PTPN12: variants seen among roughly 807,000 people sequenced by gnomAD.
PTPN12 encodes tyrosine-protein phosphatase non-receptor type 12.
PTPN12 carries 29 observed loss-of-function variants against 97.6 expected under a neutral mutation model. The observed-to-expected ratio is 0.30, with a 90% CI of 0.22 to 0.41. The LOEUF (loss-of-function observed/expected upper bound fraction) is 0.41. Among genes scored for constraint, PTPN12 ranks in the 10% least tolerant of loss-of-function variants. The pLI is 1.00. For synonymous variants in PTPN12, 327 were observed against 300.4 expected (o/e 1.09, Z -0.91); for missense variants, 819 against 926.0 (o/e 0.88, Z 1.50).
chr7:77,625,472 G>GCTCGCGCGCGCTCTCTCT, intron 12 of PTPN12, among the ~76,000 whole-genome samples: 649 of 33,508 alleles, frequency 0.019, 128 homozygotes, highest in Middle Eastern at 0.083. Flanking sequence ...CAGGCTGCTC[G>GCTCGCGCGCGCTCTCTCT]CTCTCTCTCT....
intron 9 of PTPN12, among the ~76,000 whole-genome samples, chr7:77,608,981 A>AGGCTGAGGTGGGCGGATCACCT (rs1158680490): frequency 6.6e-6 from 1 of 152,192 alleles, no homozygotes; most frequent in Non-Finnish European, 1.5e-5. Flanking sequence ...GCACTTTTGA[A>AGGCTGAGGTGGGCGGATCACCT]GGCTGAGGTG....
At chr7:77,615,209 G>T (rs993427918) in intron 11 of PTPN12, among the ~76,000 whole-genome samples, 1 of 151,934 alleles carries the variant, frequency 6.6e-6, no homozygotes, top group African/African-American at 2.4e-5. Flanking sequence ...TTGTATTATC[G>T]TCCTTTTATT....
intron 1 of PTPN12, among the ~76,000 whole-genome samples, chr7:77,552,326 TAAACTA>T (rs1807516990): frequency 6.6e-6 from 1 of 152,044 alleles, no homozygotes; most frequent in Non-Finnish European, 1.5e-5. Flanking sequence ...AAATGCAACT[TAAACTA>T]GAAGTACAGG....
At chr7:77,590,559 CTTT>C (rs539493706) in intron 5 of PTPN12, among the ~76,000 whole-genome samples, 3 of 141,728 alleles carry the variant, frequency 2.1e-5, no homozygotes, top group Non-Finnish European at 1.5e-5. Context: ...TTTTTTAAAT[CTTT>C]TTTTTTTTTT....
chr7:77,567,409 T>A (rs1416812663), intron 1 of PTPN12, among the ~76,000 whole-genome samples: 1 of 152,152 alleles, frequency 6.6e-6, no homozygotes, highest in Non-Finnish European at 1.5e-5. Context: ...TCAGAAACTC[T>A]GTAGGAGCTA....
At chr7:77,593,314 C>G (rs938382939) in intron 6 of PTPN12, among the ~76,000 whole-genome samples, 2 of 151,878 alleles carry the variant, frequency 1.3e-5, no homozygotes, top group Non-Finnish European at 2.9e-5. Flanking sequence ...TTAGGGTTCT[C>G]CAGAGAAGCA....
chr7:77,564,744 G>GTTTTTT (rs1329627463), intron 1 of PTPN12, among the ~76,000 whole-genome samples: 11 of 34,360 alleles, frequency 3.2e-4, no homozygotes, highest in East Asian at 1.3e-3. Flanking sequence ...TTTTGTTGTC[G>GTTTTTT]TGTTTTTTTT....
chr7:77,607,468 T>C (rs945850184), intron 9 of PTPN12, 167 bp downstream of exon 9: 1 of 519,072 alleles, frequency 1.9e-6, no homozygotes, highest in Non-Finnish European at 3.3e-6. Flanking sequence ...CACAGTGGCT[T>C]ACGCCTGTAA....
At chr7:77,638,987 A>T in intron 17 of PTPN12, 2 of 729,250 alleles carry the variant, frequency 2.7e-6, no homozygotes, top group Non-Finnish European at 4.1e-6. Flanking sequence ...TTACATTGTG[A>T]TAAAATTGGT....
intron 11 of PTPN12, among the ~76,000 whole-genome samples, chr7:77,617,389 T>C (rs1018286605): frequency 1.3e-5 from 2 of 152,198 alleles, no homozygotes; most frequent in Non-Finnish European, 2.9e-5. Flanking sequence ...CAGGAAGTGA[T>C]ATGTATAAAA....
Position 77,627,034 on chromosome 7 carries a change from G to A in PTPN12, c.1355G>A (p.Gly452Glu), listed in dbSNP as rs1789214420. The change falls in exon 13 of 18, where the codon GGG becomes GAG. Residue 452 changes from glycine (G) to glutamate (E), a missense_variant. Physicochemically the swap from Gly to Glu is moderately conservative, Grantham distance 98. Around this residue, in one of 5 missense-constraint regions of PTPN12, gnomAD observed 607 missense variants for 577.3 expected, o/e 1.05. Coordinates refer to ENST00000248594, the MANE Select transcript of PTPN12 (RefSeq NM_002835.4). ...PLQEGPKSFD[G>E]NTLLNRGHAI... is the part of the protein sequence containing the mutation. ...CAAGAGGGACCAAAAAGTTTTGATG[G>A]GAACACACTTTTGAATAGGGGACAT... The A allele has an allele frequency of 6.2e-7, 1 of 1,610,750 alleles. No individual in the cohort carries two copies. Among genetic ancestry groups the A allele is most frequent in the Non-Finnish European group, 8.5e-7 (1 of 1,178,790 alleles).
At chr7:77,583,840 T>G (rs1787600363) in intron 4 of PTPN12, 190 bp downstream of exon 4, 1 of 441,502 alleles carries the variant, frequency 2.3e-6, no homozygotes, top group Admixed American at 4.1e-5. Flanking sequence ...GGCTAAATAT[T>G]TTAAGAAGGT....
At chr7:77,621,314 C>A (rs942300915) in intron 12 of PTPN12, among the ~76,000 whole-genome samples, 2 of 152,010 alleles carry the variant, frequency 1.3e-5, no homozygotes, top group African/African-American at 2.4e-5. Context: ...TCCTGAAGAA[C>A]CTGCCTGAAG....
At chr7:77,592,341 C>G in intron 6 of PTPN12, 85 bp downstream of exon 6, 1 of 1,179,222 alleles carries the variant, frequency 8.5e-7, no homozygotes, top group South Asian at 1.4e-5. Context: ...TGGTATGAAC[C>G]CAGGCTTATA....
intron 1 of PTPN12, among the ~76,000 whole-genome samples, chr7:77,551,373 C>T (rs117785414): frequency 0.018 from 2,789 of 152,290 alleles, 34 homozygotes; most frequent in Middle Eastern, 0.071. Flanking sequence ...GAAAGCTCTG[C>T]TCTTGTCTGT....
intron 8 of PTPN12, among the ~76,000 whole-genome samples, chr7:77,605,110 T>C (rs1788317846): frequency 6.6e-6 from 1 of 152,148 alleles, no homozygotes; most frequent in Admixed American, 6.5e-5. Flanking sequence ...AATTCACAAA[T>C]GTATCAACTA....
At chr7:77,619,695 G>C (rs541374992) in intron 12 of PTPN12, among the ~76,000 whole-genome samples, 1 of 152,088 alleles carries the variant, frequency 6.6e-6, no homozygotes, top group Non-Finnish European at 1.5e-5. Context: ...GAGAGTACTC[G>C]TATTCTCCGT....
At chr7:77,560,656 C>G (rs1807957254) in intron 1 of PTPN12, among the ~76,000 whole-genome samples, 1 of 152,014 alleles carries the variant, frequency 6.6e-6, no homozygotes, top group Admixed American at 6.6e-5. Flanking sequence ...AAAATATTGT[C>G]TTTTTGTGAC....
In PTPN12 at chr7:77,627,030, G is replaced by T; in HGVS notation, c.1351G>T (p.Asp451Tyr). 1 of 1,609,410 alleles carries T rather than the reference G, an allele frequency of 6.2e-7. No individual in the cohort carries two copies. The highest frequency in any genetic ancestry group is 1.1e-5 in the South Asian group (1 of 90,624). ...TCTCCAAGAGGGACCAAAAAGTTTTGATGGGAACACACTTTTGAATAGGGG... is the reference window on the plus strand; with the variant it reads ...TCTCCAAGAGGGACCAAAAAGTTTTTATGGGAACACACTTTTGAATAGGGG... ...VPLQEGPKSFDGNTLLNRGHA... is the reference protein window; with the variant it reads ...VPLQEGPKSFYGNTLLNRGHA... Residue 451 changes from aspartate to tyrosine, a missense_variant, in exon 13 of 18, where the codon GAT becomes TAT. By Grantham distance (160) the Asp-to-Tyr change is radical. Around this residue, in one of 5 missense-constraint regions of PTPN12, gnomAD observed 607 missense variants for 577.3 expected, o/e 1.05. Transcript: ENST00000248594.
Sources: allele counts gnomAD v4.1 joint callset (sites outside exome capture counted in the v4.1 genomes callset), GRCh38; gene constraint gnomAD v4.1.1; regional missense constraint gnomAD v4.1.1; transcripts MANE v1.5; gene names NCBI Gene and HGNC (gene_info 2026-07-23, HGNC 2026-07-21).